GFOD2: variants seen among roughly 807,000 people sequenced by gnomAD.
The protein encoded by GFOD2 is Gfo/Idh/MocA-like oxidoreductase domain containing 2.
GFOD2 carries 9 observed loss-of-function variants against 24.6 expected under a neutral mutation model. The observed-to-expected ratio is 0.37, with a 90% CI of 0.22 to 0.64. GFOD2 has a LOEUF of 0.64. Among genes scored for constraint, GFOD2 ranks in the 30% least tolerant of loss-of-function variants. The probability of loss-of-function intolerance (pLI) is 0.65; values close to 1 mark genes in which losing one functional copy is unlikely to be tolerated. For missense variants in GFOD2, 476 were observed against 532.5 expected, an observed-to-expected ratio of 0.89 and a Z score of 1.04; for synonymous variants, 211 against 224.8, an observed-to-expected ratio of 0.94 and a Z score of 0.55.
At chr16:67,691,852 A>C (rs1242762558) in intron 1 of GFOD2, among the ~76,000 whole-genome samples, 2 of 152,190 alleles carry the variant, frequency 1.3e-5, no homozygotes, top group Admixed American at 6.6e-5. Flanking sequence ...TCATGGCCAC[A>C]TTCGTCCATG....
intron 2 of GFOD2, among the ~76,000 whole-genome samples, chr16:67,679,769 C>G (rs980251123): frequency 6.6e-6 from 1 of 151,870 alleles, no homozygotes; most frequent in Non-Finnish European, 1.5e-5. Flanking sequence ...CGCCTGTAAT[C>G]CCAGCTACTC....
At chr16:67,680,754 A>AT in intron 2 of GFOD2, 1 of 963,264 alleles carries the variant, frequency 1.0e-6, no homozygotes, top group Non-Finnish European at 1.2e-6. Context: ...TTATTTATTT[A>AT]TTTTTTTAAT....
intron 1 of GFOD2, among the ~76,000 whole-genome samples, chr16:67,691,127 G>T (rs1395074200): frequency 6.6e-6 from 1 of 152,194 alleles, no homozygotes; most frequent in Non-Finnish European, 1.5e-5. Flanking sequence ...GCCTCCCAAA[G>T]TGCTGGGATC....
intron 2 of GFOD2, among the ~76,000 whole-genome samples, chr16:67,679,881 C>G (rs552877778): frequency 1.3e-5 from 2 of 149,900 alleles, no homozygotes; most frequent in Non-Finnish European, 3.0e-5. Flanking sequence ...AGCGAGACTT[C>G]GTCTCAAAAA....
intron 2 of GFOD2, chr16:67,682,361 A>T (rs1181602590): frequency 1.0e-6 from 1 of 985,266 alleles, no homozygotes; most frequent in Non-Finnish European, 1.2e-6. Flanking sequence ...TTTCTAATGA[A>T]CCACAGAAGT....
chr16:67,682,953 G>A, intron 2 of GFOD2: 1 of 459,230 alleles, frequency 2.2e-6, no homozygotes. Flanking sequence ...AGTGGGGCCT[G>A]AGAATTTAGA....
chr16:67,712,903 C>G (rs1274071554), intron 1 of GFOD2, among the ~76,000 whole-genome samples: 1 of 115,852 alleles, frequency 8.6e-6, no homozygotes, highest in Non-Finnish European at 1.6e-5. Flanking sequence ...GGCCGCCCAT[C>G]GTCTGAGATG....
chr16:67,685,615 C>T lies in GFOD2; in HGVS notation c.101G>A (p.Trp34Ter), dbSNP rs773462804. ...CTTCGCCTCCTCCTCAGTCTTCCCC[C>T]ACAGGGCCTCAACAGTGAACCCTTC... ...RAEGFTVEAL[W>*]GKTEEEAKQL... Residue 34 changes from tryptophan to a stop codon, truncating the protein, a stop_gained, in exon 2 of 3, where the codon TGG (tryptophan) becomes TAG (stop). Coordinates refer to ENST00000268797, the MANE Select transcript of GFOD2 (RefSeq NM_030819.4). LOFTEE classifies it high-confidence loss of function. The T allele has an allele frequency of 1.9e-6, 3 of 1,614,160 alleles. No homozygotes were observed. Among genetic ancestry groups the T allele is most frequent in the Non-Finnish European group, 2.5e-6 (3 of 1,180,028 alleles).
intron 1 of GFOD2, among the ~76,000 whole-genome samples, chr16:67,693,462 G>C (rs2142995241): frequency 6.6e-6 from 1 of 152,150 alleles, no homozygotes; most frequent in African/African-American, 2.4e-5. Flanking sequence ...TGTAGAGACA[G>C]GGTTCCATCA....
chr16:67,684,927 CG>C, intron 2 of GFOD2: 1 of 997,910 alleles, frequency 1.0e-6, no homozygotes, highest in Non-Finnish European at 1.2e-6. Flanking sequence ...AGGCTGTCGA[CG>C]GATCCTGTCA....
chr16:67,717,385 C>T (rs1270520804), intron 1 of GFOD2, among the ~76,000 whole-genome samples: 1 of 152,172 alleles, frequency 6.6e-6, no homozygotes, highest in Non-Finnish European at 1.5e-5. Context: ...TCACATAGTT[C>T]TAATTTTTAA....
intron 2 of GFOD2, chr16:67,683,290 G>T: frequency 3.4e-6 from 4 of 1,183,926 alleles, no homozygotes; most frequent in Non-Finnish European, 4.2e-6. Flanking sequence ...CTTTCTTCCC[G>T]TATAGCTTGG....
chr16:67,703,035 A>T (rs920410342), intron 1 of GFOD2, among the ~76,000 whole-genome samples: 2 of 152,220 alleles, frequency 1.3e-5, no homozygotes, highest in African/African-American at 4.8e-5. Context: ...TTAGACCCTC[A>T]GCAGAAGGTG....
chr16:67,681,552 G>C, intron 2 of GFOD2: 2 of 495,686 alleles, frequency 4.0e-6, no homozygotes, highest in Non-Finnish European at 5.2e-6. Context: ...GGGACCACAG[G>C]TGCACGCCAC....
chr16:67,681,011 GC>G, intron 2 of GFOD2: 1 of 985,492 alleles, frequency 1.0e-6, no homozygotes, highest in Non-Finnish European at 1.2e-6. Context: ...AGGGAGAGTA[GC>G]CCCTGACTGC....
chr16:67,675,856 A>G lies in GFOD2; in HGVS notation c.457T>C (p.Tyr153His). Residue 153 changes from tyrosine (Y) to histidine (H), a missense_variant, in exon 3 of 3, where the codon TAC becomes CAC. Physicochemically the swap from Tyr to His is moderately conservative, Grantham distance 83. Coordinates refer to ENST00000268797, the MANE Select transcript of GFOD2 (RefSeq NM_030819.4). The part of the protein sequence containing the change: ...GAVMICDARI[Y>H]SGSLLSPSYG... ...CTGGGGCTCAGCAGGCTGCCTGAGTAGATGCGGGCATCACAGATCATCACC... is the reference window on the plus strand; with the variant it reads ...CTGGGGCTCAGCAGGCTGCCTGAGTGGATGCGGGCATCACAGATCATCACC... 1 of 1,614,204 alleles carries G rather than the reference A, an allele frequency of 6.2e-7. No individual in the cohort carries two copies. Among genetic ancestry groups the G allele is most frequent in the Non-Finnish European group, 8.5e-7 (1 of 1,180,040 alleles).
chr16:67,705,367 C>T (rs2053431805), intron 1 of GFOD2, among the ~76,000 whole-genome samples: 1 of 152,070 alleles, frequency 6.6e-6, no homozygotes. Flanking sequence ...GCCACCATGC[C>T]CAGCTAATTT....
intron 1 of GFOD2, among the ~76,000 whole-genome samples, chr16:67,701,681 T>A (rs1337618224): frequency 6.6e-6 from 1 of 151,622 alleles, no homozygotes; most frequent in Non-Finnish European, 1.5e-5. Flanking sequence ...AGGGTGGCAA[T>A]TACATGACAG....
chr16:67,689,733 C>T (rs1320162643), intron 1 of GFOD2, among the ~76,000 whole-genome samples: 1 of 152,044 alleles, frequency 6.6e-6, no homozygotes, highest in Non-Finnish European at 1.5e-5. Flanking sequence ...GTAACCATCA[C>T]CACCACCCTG....
Sources: allele counts gnomAD v4.1 joint callset (sites outside exome capture counted in the v4.1 genomes callset), GRCh38; gene constraint gnomAD v4.1.1; transcripts MANE v1.5; gene names NCBI Gene and HGNC (gene_info 2026-07-23, HGNC 2026-07-21).